The following ZNF541 variants were observed in gnomAD, a reference collection of about 807,000 sequenced individuals.
ZNF541 encodes the protein zinc finger protein 541.
A neutral mutation model predicts 123.5 loss-of-function variants in ZNF541; 23 were observed. The ratio of observed to expected loss-of-function variants is 0.19; its 90% CI spans 0.13 to 0.26. The LOEUF is 0.26. ZNF541 is among the 10% of genes least tolerant of loss of function. ZNF541 has a pLI of 1.00. For synonymous variants in ZNF541, 751 were observed against 754.5 expected, an observed-to-expected ratio of 1.00 and a Z score of 0.08; for missense variants, 1,612 against 1,789.9, an observed-to-expected ratio of 0.90 and a Z score of 1.79.
intron 14 of ZNF541, among the ~76,000 whole-genome samples, chr19:47,523,666 GC>G (rs2122852128): frequency 6.6e-6 from 1 of 152,284 alleles, no homozygotes; most frequent in African/African-American, 2.4e-5. Flanking sequence ...TCAACAAAGG[GC>G]AGTGAACCCT....
intron 2 of ZNF541, among the ~76,000 whole-genome samples, chr19:47,568,515 T>A (rs1971353535): frequency 6.6e-6 from 1 of 152,074 alleles, no homozygotes; most frequent in African/African-American, 2.4e-5. Flanking sequence ...GGCTAATTTT[T>A]GTATTTTTAA....
At chr19:47,531,846 C>T in intron 11 of ZNF541, 101 bp from the exon 12 acceptor site, 2 of 1,091,268 alleles carry the variant, frequency 1.8e-6, no homozygotes, top group South Asian at 3.1e-5. Context: ...GTGCCTTCCC[C>T]TTCTCTCTCC....
chr19:47,522,505 A>T (rs1969084000), intron 14 of ZNF541, among the ~76,000 whole-genome samples: 1 of 152,200 alleles, frequency 6.6e-6, no homozygotes. Flanking sequence ...TGTTAAAAAC[A>T]AAAGGGAAGC....
Position 47,571,935 on chromosome 19 carries a change from C to T in ZNF541, c.-138G>A, listed in dbSNP as rs1204347639. 2.6e-5 allele frequency among the ~76,000 whole-genome samples: 4 copies of T among 152,152 alleles called. No individual in the cohort carries two copies. The highest frequency in any genetic ancestry group is 1.9e-4 in the East Asian group (1 of 5,198). On this transcript the variant is annotated 5_prime_UTR_variant, in exon 2 of 17. Coordinates refer to ENST00000391901, the MANE Select transcript of ZNF541 (RefSeq NM_001277075.3). ...AGTGAATCTCCAGGGAACAGGAGGA[C>T]CCAGTTTAGGCCCCACAGGGAGGGG... is the stretch of plus-strand genomic sequence containing the variant.
intron 3 of ZNF541, among the ~76,000 whole-genome samples, chr19:47,553,639 C>G (rs992116444): frequency 6.6e-6 from 1 of 151,992 alleles, no homozygotes; most frequent in African/African-American, 2.4e-5. Flanking sequence ...CTCCTGACCT[C>G]ATGATCCGCC....
rs1451652034 is a variant in ZNF541, at chr19:47,531,563, C to G, written c.3405+79G>C. The G allele has an allele frequency of 6.8e-6, 8 of 1,176,866 alleles. No homozygotes were observed. The African/African-American group carries it at 1.1e-4, about 16-fold the overall frequency. The allele number at this position is 1,176,866 out of a possible 1,614,324, so 72.9% of individuals were successfully genotyped here. A position where few individuals can be genotyped will look rare whatever the true frequency, so the allele number is the denominator to read the frequency against. On this transcript the variant is annotated intron_variant, in intron 12 of 16. Transcript: ENST00000391901. ...TTCCAGCTTCCATCCGCTCTGAACC[C>G]CCAAGCAGACAGCACGTCACATGCA...
intron 2 of ZNF541, among the ~76,000 whole-genome samples, chr19:47,557,226 C>T (rs2123310286): frequency 6.6e-6 from 1 of 152,160 alleles, no homozygotes; most frequent in Non-Finnish European, 1.5e-5. Context: ...TGATAGCAGA[C>T]ACGTGGGTGA....
chr19:47,571,465 C>T (rs1411571551), intron 2 of ZNF541, among the ~76,000 whole-genome samples: 1 of 152,158 alleles, frequency 6.6e-6, no homozygotes, highest in Non-Finnish European at 1.5e-5. Flanking sequence ...CAGAAGGTTT[C>T]ACCTAAGGAT....
intron 9 of ZNF541, among the ~76,000 whole-genome samples, chr19:47,537,892 T>G (rs897824383): frequency 3.3e-5 from 5 of 151,454 alleles, no homozygotes; most frequent in Admixed American, 2.0e-4. Context: ...AAAAAGAAAA[T>G]GACACAGAAG....
chr19:47,529,530 A>G (rs1254788256), intron 13 of ZNF541, 47 bp downstream of exon 13: 1 of 1,538,544 alleles, frequency 6.5e-7, no homozygotes, highest in Non-Finnish European at 8.8e-7. Context: ...GCCGATTCAT[A>G]GGGGTCTCAG....
In ZNF541 at chr19:47,538,127, C is replaced by G; in HGVS notation, c.3094+15G>C. On this transcript the variant is annotated intron_variant, in intron 9 of 16. Transcript: ENST00000391901. Reference sequence around the variant, plus strand: ...CACCCTGGGATCACAGAGTGAGTGCCCCAGCCTCACTCACCGAGCATGGAG... The same window carrying G: ...CACCCTGGGATCACAGAGTGAGTGCGCCAGCCTCACTCACCGAGCATGGAG... The G allele has an allele frequency of 1.3e-6, 2 of 1,549,548 alleles. No homozygotes were observed. Among genetic ancestry groups the G allele is most frequent in the South Asian group, 1.2e-5 (1 of 83,964 alleles).
intron 4 of ZNF541, 96 bp downstream of exon 4, chr19:47,549,149 C>T: frequency 6.7e-7 from 1 of 1,503,196 alleles, no homozygotes; most frequent in Non-Finnish European, 8.9e-7. Context: ...GAGGACGAGA[C>T]AGCAGGTTGA....
intron 8 of ZNF541, among the ~76,000 whole-genome samples, chr19:47,538,718 G>A (rs753339585): frequency 5.9e-5 from 9 of 152,118 alleles, no homozygotes; most frequent in Non-Finnish European, 1.2e-4. Context: ...CTTAAAAAGA[G>A]AGAGATCCCC....
chr19:47,530,648 C>A (rs1050516425), intron 12 of ZNF541, among the ~76,000 whole-genome samples: 1 of 151,096 alleles, frequency 6.6e-6, no homozygotes, highest in Non-Finnish European at 1.5e-5. Context: ...AATTTCTTTT[C>A]TTTTTTTTTC....
chr19:47,541,090 C>T, intron 5 of ZNF541, 139 bp from the exon 6 acceptor site: 1 of 705,262 alleles, frequency 1.4e-6, no homozygotes, highest in Non-Finnish European at 2.3e-6. Flanking sequence ...GATAAGACAC[C>T]AAAGCAAAAC....
chr19:47,539,622 G>A, intron 8 of ZNF541, 83 bp downstream of exon 8: 1 of 1,332,646 alleles, frequency 7.5e-7, no homozygotes, highest in Non-Finnish European at 9.7e-7. Flanking sequence ...GATTTTCTGT[G>A]GTATCTGGTT....
intron 2 of ZNF541, among the ~76,000 whole-genome samples, chr19:47,568,133 G>A (rs1357985970): frequency 6.6e-6 from 1 of 152,020 alleles, no homozygotes; most frequent in Non-Finnish European, 1.5e-5. Flanking sequence ...ATGAGTGACA[G>A]AATTCCATTG....
intron 2 of ZNF541, among the ~76,000 whole-genome samples, chr19:47,560,712 G>C (rs1435622431): frequency 6.6e-6 from 1 of 151,690 alleles, no homozygotes; most frequent in Non-Finnish European, 1.5e-5. Flanking sequence ...TACACTCTTA[G>C]GCATCCATCC....
At chr19:47,539,424 C>T (rs543698732) in intron 8 of ZNF541, among the ~76,000 whole-genome samples, 104 of 151,950 alleles carry the variant, frequency 6.8e-4, no homozygotes, top group African/African-American at 2.5e-3. Flanking sequence ...CTCAGCCTCC[C>T]GAGTAGCTGG....
Sources: allele counts gnomAD v4.1 joint callset (sites outside exome capture counted in the v4.1 genomes callset), GRCh38; gene constraint gnomAD v4.1.1; transcripts MANE v1.5; gene names NCBI Gene and HGNC (gene_info 2026-07-23, HGNC 2026-07-21).